The following MTHFD1L variants were observed in gnomAD, a reference collection of about 807,000 sequenced individuals.
The protein encoded by MTHFD1L is monofunctional C1-tetrahydrofolate synthase, mitochondrial.
A neutral mutation model predicts 119.5 loss-of-function variants in MTHFD1L; 81 were observed. The ratio of observed to expected loss-of-function variants is 0.68; its 90% CI spans 0.57 to 0.82. MTHFD1L has a LOEUF of 0.82. MTHFD1L is among the 40% of genes least tolerant of loss of function. The probability of loss-of-function intolerance (pLI) is 0.00; values close to 1 mark genes in which losing one functional copy is unlikely to be tolerated. For missense variants in MTHFD1L, 1,125 were observed against 1,253.4 expected (o/e 0.90, Z 1.55); for synonymous variants, 430 against 475.2 (o/e 0.90, Z 1.24).
intron 13 of MTHFD1L, among the ~76,000 whole-genome samples, chr6:150,939,565 G>T (rs1044381495): frequency 2.0e-5 from 3 of 151,848 alleles, no homozygotes; most frequent in African/African-American, 7.3e-5. Flanking sequence ...TGTCATTTCC[G>T]CCGTTGCCTG....
chr6:150,920,331 A>T (rs1246326616), intron 9 of MTHFD1L, among the ~76,000 whole-genome samples: 1 of 152,202 alleles, frequency 6.6e-6, no homozygotes. Flanking sequence ...GGCGAAGGTC[A>T]TCAGTGTTCC....
chr6:151,044,888 A>T (rs1787734654), intron 26 of MTHFD1L, among the ~76,000 whole-genome samples: 1 of 152,208 alleles, frequency 6.6e-6, no homozygotes, highest in Admixed American at 6.5e-5. Context: ...AGGGCCATGA[A>T]AAAAGAAAGC....
chr6:150,875,832 C>G (rs1220700984), intron 1 of MTHFD1L, among the ~76,000 whole-genome samples: 1 of 152,084 alleles, frequency 6.6e-6, no homozygotes, highest in East Asian at 1.9e-4. Flanking sequence ...AAAATTCACC[C>G]CTAGAAAATT....
intron 20 of MTHFD1L, among the ~76,000 whole-genome samples, chr6:150,976,510 G>C (rs993348982): frequency 1.3e-5 from 2 of 152,154 alleles, no homozygotes; most frequent in Non-Finnish European, 2.9e-5. Context: ...AATAGAGTAG[G>C]CACATCTGAG....
chr6:150,951,744 AGGAAGATTT>A (rs776929538), intron 16 of MTHFD1L, among the ~76,000 whole-genome samples: 2 of 152,102 alleles, frequency 1.3e-5, no homozygotes, highest in Non-Finnish European at 2.9e-5. Flanking sequence ...TTTTATAACT[AGGAAGATTT>A]ATTATTAAAA....
chr6:150,903,242 G>T, intron 7 of MTHFD1L, among the ~76,000 whole-genome samples: 1 of 105,390 alleles, frequency 9.5e-6, no homozygotes, highest in Non-Finnish European at 1.7e-5. Context: ...TTTTGAGACA[G>T]AGTCTTGCTC....
chr6:150,935,406 T>C (rs1431261325), intron 11 of MTHFD1L: 7 of 1,613,878 alleles, frequency 4.3e-6, no homozygotes, highest in South Asian at 1.1e-5. Context: ...CTTTCAGAAA[T>C]TGAGAAATTG....
intron 7 of MTHFD1L, among the ~76,000 whole-genome samples, chr6:150,894,442 G>A (rs1010314817): frequency 6.6e-6 from 1 of 152,142 alleles, no homozygotes; most frequent in African/African-American, 2.4e-5. Context: ...ACTACCATGA[G>A]ACAACGTTCC....
In MTHFD1L at chr6:150,936,852, G is replaced by C; in HGVS notation, c.1305G>C (p.Gly435=). The C allele has an allele frequency of 6.2e-7, 1 of 1,614,078 alleles. No individual in the cohort carries two copies. The highest frequency in any genetic ancestry group is 8.5e-7 in the Non-Finnish European group (1 of 1,179,986). The change falls in exon 12 of 28, where the codon GGG becomes GGC. Residue 435 remains glycine, a synonymous_variant. Transcript: ENST00000367321. ...AAGGGAAGAGCACAGTCACCATCGG[G>C]CTTGTGCAGGCTCTGACCGCACACC... ...LGEGKSTVTI[G]LVQALTAHLN... is the part of the protein sequence containing the mutation.
intron 20 of MTHFD1L, among the ~76,000 whole-genome samples, chr6:150,983,018 A>AT (rs575695223): frequency 2.2e-3 from 331 of 152,144 alleles, no homozygotes; most frequent in Non-Finnish European, 4.1e-3. Context: ...CTATTGTTAG[A>AT]TTTTTTTAGC....
rs527883003 is a variant in MTHFD1L, at chr6:151,003,013, G to A, written c.2126-6806G>A. Among the ~76,000 whole-genome samples, 204 of 152,228 alleles carry A rather than the reference G, an allele frequency of 1.3e-3. 1 individual carries two copies. Among genetic ancestry groups the A allele is most frequent in the African/African-American group, 4.6e-3 (191 of 41,534 alleles). On this transcript the variant is annotated intron_variant, in intron 20 of 27. Transcript: ENST00000367321. ...ATTGCTAAGTGTCCAGGTGGGGAGC[G>A]GAATAGGCAGAACCGCCTCCAGTCG...
intron 7 of MTHFD1L, among the ~76,000 whole-genome samples, chr6:150,894,268 G>A (rs999484562): frequency 1.3e-5 from 2 of 152,112 alleles, no homozygotes; most frequent in Admixed American, 6.6e-5. Flanking sequence ...CACTCAGATC[G>A]TAAGTAGATA....
intron 26 of MTHFD1L, among the ~76,000 whole-genome samples, chr6:151,043,326 A>G (rs1394344884): frequency 2.3e-5 from 3 of 129,778 alleles, no homozygotes; most frequent in Non-Finnish European, 3.1e-5. Context: ...GTGCAGTAGC[A>G]TGATCTCGGC....
chr6:151,082,190 G>A (rs555063327), intron 26 of MTHFD1L, among the ~76,000 whole-genome samples: 6 of 152,248 alleles, frequency 3.9e-5, no homozygotes, highest in African/African-American at 1.2e-4. Flanking sequence ...TGAGTATGTC[G>A]CAAAAACTCT....
At chr6:151,042,095 C>A in intron 26 of MTHFD1L, 1 of 299,330 alleles carries the variant, frequency 3.3e-6, no homozygotes, top group East Asian at 9.2e-5. Flanking sequence ...TATTTCACTG[C>A]CCCATGCTGT....
At chr6:151,071,579 C>T (rs906819042) in intron 26 of MTHFD1L, among the ~76,000 whole-genome samples, 2 of 151,390 alleles carry the variant, frequency 1.3e-5, no homozygotes, top group African/African-American at 4.9e-5. Context: ...ATGGTTCTGG[C>T]CACTCGTGTC....
chr6:150,907,156 T>C (rs910796324), intron 8 of MTHFD1L, among the ~76,000 whole-genome samples: 2 of 152,156 alleles, frequency 1.3e-5, no homozygotes, highest in African/African-American at 4.8e-5. Context: ...TTGCTGTGTT[T>C]TATTAAAGTT....
At chr6:151,083,976 A>G (rs1793477927) in intron 26 of MTHFD1L, among the ~76,000 whole-genome samples, 4 of 152,204 alleles carry the variant, frequency 2.6e-5, no homozygotes, top group South Asian at 4.1e-4. Context: ...GGTGCATACA[A>G]CGTGCTTAGC....
chr6:150,967,036 T>A (rs903149489), intron 19 of MTHFD1L, among the ~76,000 whole-genome samples: 1 of 152,194 alleles, frequency 6.6e-6, no homozygotes, highest in Non-Finnish European at 1.5e-5. Flanking sequence ...TCTCCCCTGA[T>A]CATTCTGCCA....
Sources: allele counts gnomAD v4.1 joint callset (sites outside exome capture counted in the v4.1 genomes callset), GRCh38; gene constraint gnomAD v4.1.1; transcripts MANE v1.5; gene names NCBI Gene and HGNC (gene_info 2026-07-23, HGNC 2026-07-21).